Variants in COBL observed in about 807,000 individuals in gnomAD.
COBL encodes cordon-bleu WH2 repeat protein.
In COBL, 51 loss-of-function variants were observed where a neutral mutation model predicts 98.8. The ratio of observed to expected loss-of-function variants is 0.52; its 90% CI spans 0.41 to 0.65. The LOEUF is 0.65. COBL is among the 30% of genes least tolerant of loss of function. The pLI is 0.00. For synonymous variants in COBL, 634 were observed against 651.7 expected (o/e 0.97, Z 0.41); for missense variants, 1,617 against 1,617.5 (o/e 1.00, Z 0.01).
intron 6 of COBL, among the ~76,000 whole-genome samples, chr7:51,130,568 A>G (rs938227551): frequency 2.6e-5 from 4 of 152,230 alleles, no homozygotes; most frequent in African/African-American, 7.2e-5. Context: ...GCCTAAATGC[A>G]GAGAGGACAC....
At chr7:51,227,563 G>A (rs990706711) in intron 1 of COBL, among the ~76,000 whole-genome samples, 1 of 152,168 alleles carries the variant, frequency 6.6e-6, no homozygotes, top group Non-Finnish European at 1.5e-5. Flanking sequence ...CCCAGCAGGA[G>A]CTAGAAAAGA....
chr7:51,218,323 T>A (rs1793291767), intron 2 of COBL, among the ~76,000 whole-genome samples: 1 of 152,264 alleles, frequency 6.6e-6, no homozygotes, highest in African/African-American at 2.4e-5. Context: ...TAATTTCAAC[T>A]ATAATCTAAA....
chr7:51,224,964 A>G (rs1384148395), intron 1 of COBL, among the ~76,000 whole-genome samples: 1 of 152,028 alleles, frequency 6.6e-6, no homozygotes, highest in Non-Finnish European at 1.5e-5. Context: ...CGGCCCGTGC[A>G]TGTGGGCAGG....
chr7:51,282,110 T>C lies in COBL; in HGVS notation c.41+34483A>G, dbSNP rs1016928530. Reference sequence around the variant, plus strand: ...TAAAAAATCTCAAACAACTCAAAGATTGGAAAGAAGAAACAAGAATGCAAG... The same window carrying C: ...TAAAAAATCTCAAACAACTCAAAGACTGGAAAGAAGAAACAAGAATGCAAG... On this transcript the variant is annotated intron_variant, in intron 1 of 12. Transcript: ENST00000265136. Among the ~76,000 whole-genome samples the C allele has an allele frequency of 2.2e-4, 33 of 151,858 alleles. 1 individual carries two copies. Among genetic ancestry groups the C allele is most frequent in the Admixed American group, 1.4e-3 (22 of 15,244 alleles).
chr7:51,255,392 T>C lies in COBL; in HGVS notation c.42-35448A>G, dbSNP rs547354722. 1.5e-3 allele frequency among the ~76,000 whole-genome samples: 232 copies of C among 152,264 alleles called. 2 individuals carry two copies. Among genetic ancestry groups the C allele is most frequent in the South Asian group, 6.4e-3 (31 of 4,818 alleles). On this transcript the variant is annotated intron_variant, in intron 1 of 12. Coordinates refer to ENST00000265136, the MANE Select transcript of COBL (RefSeq NM_015198.5). ...TGCAGCCCTTCCTATATCTCCTCTT[T>C]ATAAAATTATTAGGGACCAAACTAG...
intron 6 of COBL, among the ~76,000 whole-genome samples, chr7:51,125,302 C>T (rs1798096975): frequency 6.6e-6 from 1 of 152,170 alleles, no homozygotes; most frequent in Non-Finnish European, 1.5e-5. Context: ...CCTGCAAGGC[C>T]ACGGCAGCAA....
chr7:51,085,924 A>C (rs562073757), intron 6 of COBL, among the ~76,000 whole-genome samples: 1 of 152,316 alleles, frequency 6.6e-6, no homozygotes. Flanking sequence ...GCCCCCAACC[A>C]CAGCAGAAAT....
intron 1 of COBL, among the ~76,000 whole-genome samples, chr7:51,303,523 G>C (rs1802183388): frequency 6.6e-6 from 1 of 152,142 alleles, no homozygotes; most frequent in Non-Finnish European, 1.5e-5. Context: ...CAGAAACAGA[G>C]GCATCACTTG....
intron 7 of COBL, among the ~76,000 whole-genome samples, chr7:51,054,811 G>C (rs1383447067): frequency 6.6e-6 from 1 of 152,216 alleles, no homozygotes; most frequent in Non-Finnish European, 1.5e-5. Flanking sequence ...CAAGATGCTT[G>C]GTAGCAGGAG....
intron 5 of COBL, among the ~76,000 whole-genome samples, chr7:51,161,450 C>T (rs1786794619): frequency 2.0e-5 from 3 of 152,168 alleles, no homozygotes; most frequent in African/African-American, 7.2e-5. Context: ...GCAGAGGCTT[C>T]CATCAGAAAC....
At chr7:51,128,634 T>C (rs1295967176) in intron 6 of COBL, among the ~76,000 whole-genome samples, 1 of 152,210 alleles carries the variant, frequency 6.6e-6, no homozygotes, top group African/African-American at 2.4e-5. Context: ...GCTCACTGTG[T>C]GATAAGTGGC....
At chr7:51,276,025 T>C (rs1380805874) in intron 1 of COBL, among the ~76,000 whole-genome samples, 6 of 152,188 alleles carry the variant, frequency 3.9e-5, no homozygotes, top group Admixed American at 3.9e-4. Context: ...CTTTTCTAAA[T>C]GATAAACATT....
At position 51,025,296 on chromosome 7, in the gene COBL, A is replaced by G; in HGVS notation, c.3581T>C (p.Leu1194Pro). ...GGACAGAAGACCAAGGTCTTCTAGC[A>G]GAGGACTTTCCGAGCCCTGAGCAGA... ...ALSAQGSESP[L>P]LEDLGLLSPP... The change falls in exon 12 of 13, where the codon CTG becomes CCG. Residue 1194 changes from leucine (L) to proline (P), a missense_variant. Around this residue, in one of 3 missense-constraint regions of COBL, gnomAD observed 1,304 missense variants for 1,282.0 expected, o/e 1.02. Transcript: ENST00000265136. 1 of 1,612,402 alleles carries G rather than the reference A, an allele frequency of 6.2e-7. No homozygotes were observed.
chr7:51,098,220 G>GTTTTTTTTTTTTTTTTT lies in COBL; in HGVS notation c.958-12917_958-12916insAAAAAAAAAAAAAAAAA, dbSNP rs1276606651. ...AATCACTACCAAAATCCCAATAGCA[G>GTTTTTTTTTTTTTTTTT]TTTCTTTTTTTTTTTTGGAGAAATA... On this transcript the variant is annotated intron_variant, in intron 6 of 12. Coordinates refer to ENST00000265136, the MANE Select transcript of COBL (RefSeq NM_015198.5). Among the ~76,000 whole-genome samples, 9 of 52,308 alleles carry GTTTTTTTTTTTTTTTTT rather than the reference G, an allele frequency of 1.7e-4. 1 individual carries two copies. Among genetic ancestry groups the GTTTTTTTTTTTTTTTTT allele is most frequent in the African/African-American group, 7.8e-4 (7 of 8,994 alleles). 34.3% of individuals were successfully genotyped at this position (52,308 alleles called of 152,430 possible).
intron 1 of COBL, among the ~76,000 whole-genome samples, chr7:51,222,582 C>T (rs142455350): frequency 3.5e-4 from 53 of 152,156 alleles, no homozygotes; most frequent in Non-Finnish European, 6.9e-4. Context: ...GAACAGATTC[C>T]ATACCATTTC....
chr7:51,239,071 A>G (rs1431058677), intron 1 of COBL, among the ~76,000 whole-genome samples: 3 of 152,166 alleles, frequency 2.0e-5, no homozygotes, highest in Non-Finnish European at 4.4e-5. Context: ...CTTCCTACTG[A>G]TTTCACTGTT....
intron 5 of COBL, among the ~76,000 whole-genome samples, chr7:51,158,034 G>A (rs1335437596): frequency 6.6e-6 from 1 of 152,148 alleles, no homozygotes; most frequent in Non-Finnish European, 1.5e-5. Context: ...GCTGCCCCTG[G>A]GGAAGGAAGA....
At chr7:51,022,188 C>T (rs1787005793) in intron 12 of COBL, among the ~76,000 whole-genome samples, 1 of 152,172 alleles carries the variant, frequency 6.6e-6, no homozygotes, top group Admixed American at 6.5e-5. Flanking sequence ...CAGCTTTCAG[C>T]CCGGGAGCAT....
chr7:51,032,073 A>C (rs2128876091), intron 8 of COBL: 1 of 152,328 alleles, frequency 6.6e-6, no homozygotes, highest in Non-Finnish European at 1.5e-5. Flanking sequence ...TGTTGTTGTC[A>C]CTGTTGTACA....
Sources: gnomAD v4.1 joint callset for allele counts (sites outside exome capture counted in the v4.1 genomes callset) on GRCh38, gnomAD v4.1.1 for gene constraint, gnomAD v4.1.1 regional missense constraint, MANE v1.5 for transcripts, NCBI Gene and HGNC (gene_info 2026-07-23, HGNC 2026-07-21) for gene names.